Variants in BCKDHB observed in about 807,000 individuals in gnomAD.
The protein encoded by BCKDHB is branched chain keto acid dehydrogenase E1 subunit beta.
In BCKDHB, 41 loss-of-function variants were observed where a neutral mutation model predicts 48.5. The observed-to-expected ratio is 0.85, with a 90% confidence interval of 0.66 to 1.10. The LOEUF is 1.10. BCKDHB is among the 50% of genes least tolerant of loss of function. The pLI, the probability that BCKDHB is intolerant of heterozygous loss-of-function variation, is 0.00. For synonymous variants in BCKDHB, 201 were observed against 174.8 expected (o/e 1.15, Z -1.18); for missense variants, 496 against 494.2 (o/e 1.00, Z -0.03).
chr6:80,413,575 T>C, the BCKDHB span, among the ~76,000 whole-genome samples: 1 of 152,184 alleles, frequency 6.6e-6, no homozygotes, highest in Non-Finnish European at 1.5e-5. Context: ...CCTGCATTAG[T>C]TTGCTAAGGA....
In BCKDHB at chr6:80,201,013, A is replaced by G. The variant is rs763256460; in HGVS notation, c.822A>G (p.Leu274=). The change falls in exon 7 of 10, where the codon CTA becomes CTG. Residue 274 remains leucine, a synonymous_variant. Coordinates refer to ENST00000320393, the MANE Select transcript of BCKDHB (RefSeq NM_183050.4). ...EVIQEGSDVT[L]VAWGTQVHVI... is the part of the protein sequence containing the mutation. ...TACAGGAAGGGAGTGATGTTACTCT[A>G]GTTGCCTGGGGCACTCAGGTGAGTA... 6.2e-7 allele frequency: 1 copy of G among 1,611,628 alleles called. No homozygotes were observed. The highest frequency in any genetic ancestry group is 1.1e-5 in the South Asian group (1 of 91,042).
At position 80,140,472 on chromosome 6, in the gene BCKDHB, C is replaced by T. The variant is rs190619755; in HGVS notation, c.343+11243C>T. On this transcript the variant is annotated intron_variant, in intron 3 of 9. Coordinates refer to ENST00000320393, the MANE Select transcript of BCKDHB (RefSeq NM_183050.4). ...CGATAGCTCTTATTATTTTGAGATACGTCCCATGAATACCGAATTTATTGT... is the reference window on the plus strand; with the variant it reads ...CGATAGCTCTTATTATTTTGAGATATGTCCCATGAATACCGAATTTATTGT... Among the ~76,000 whole-genome samples, 489 of 152,192 alleles carry T rather than the reference C, an allele frequency of 3.2e-3. 2 individuals carry two copies. Among genetic ancestry groups the T allele is most frequent in the African/African-American group, 0.01 (434 of 41,524 alleles).
At chr6:80,107,346 TA>T (rs1381442612) in intron 1 of BCKDHB, among the ~76,000 whole-genome samples, 1 of 146,026 alleles carries the variant, frequency 6.8e-6, no homozygotes, top group Non-Finnish European at 1.5e-5. Context: ...ATATTATATA[TA>T]AAATATATAT....
chr6:80,107,826 T>C (rs1769206403), intron 1 of BCKDHB, among the ~76,000 whole-genome samples: 1 of 152,058 alleles, frequency 6.6e-6, no homozygotes, highest in Non-Finnish European at 1.5e-5. Flanking sequence ...TTTTTACCAT[T>C]TCTGCAAGTT....
chr6:80,406,786 T>G, the BCKDHB span, among the ~76,000 whole-genome samples: 1 of 152,196 alleles, frequency 6.6e-6, no homozygotes, highest in Non-Finnish European at 1.5e-5. Context: ...ATTGCAAAAA[T>G]TTTCTCCCAT....
chr6:80,109,766 C>T, intron 1 of BCKDHB, among the ~76,000 whole-genome samples: 1 of 152,184 alleles, frequency 6.6e-6, no homozygotes, highest in East Asian at 1.9e-4. Context: ...TGCATAGCTG[C>T]TCTTTTCCAG....
chr6:80,217,368 T>C (rs1449188361), intron 8 of BCKDHB, among the ~76,000 whole-genome samples: 3 of 152,248 alleles, frequency 2.0e-5, no homozygotes, highest in Admixed American at 6.5e-5. Flanking sequence ...TTTGTTTCTT[T>C]ACGTGTTTAT....
chr6:80,279,047 T>C (rs368452734), intron 9 of BCKDHB, among the ~76,000 whole-genome samples: 46 of 152,368 alleles, frequency 3.0e-4, no homozygotes, highest in African/African-American at 1.0e-3. Context: ...GGTTATTTGC[T>C]AGTTTATGGA....
At position 80,117,237 on chromosome 6, in the gene BCKDHB, T is replaced by C. The variant is rs528929181; in HGVS notation, c.197-10310T>C. Among the ~76,000 whole-genome samples, 32 of 152,360 alleles carry C rather than the reference T, an allele frequency of 2.1e-4. No homozygotes were observed. In the South Asian group the frequency reaches 6.6e-3, roughly 32 times the overall value. Reference sequence around the variant, plus strand: ...AGGTATTCACATGGAAATAATTACCTTTAAATACCCTTACTGGTAAATTAT... The same window carrying C: ...AGGTATTCACATGGAAATAATTACCCTTAAATACCCTTACTGGTAAATTAT... On this transcript the variant is annotated intron_variant, in intron 1 of 9. Coordinates refer to ENST00000320393, the MANE Select transcript of BCKDHB (RefSeq NM_183050.4).
intron 1 of BCKDHB, among the ~76,000 whole-genome samples, chr6:80,107,528 T>TATATATGTGC (rs1562050568): frequency 1.4e-4 from 16 of 113,900 alleles, no homozygotes; most frequent in Non-Finnish European, 2.5e-4. Context: ...TATATATATA[T>TATATATGTGC]GCATATATAT....
intron 8 of BCKDHB, among the ~76,000 whole-genome samples, chr6:80,229,437 C>T: frequency 6.6e-6 from 1 of 151,944 alleles, no homozygotes; most frequent in East Asian, 1.9e-4. Flanking sequence ...ATATGTTTGT[C>T]CTATTGGAGG....
chr6:80,194,426 A>G (rs528813591), intron 6 of BCKDHB, among the ~76,000 whole-genome samples: 27 of 152,208 alleles, frequency 1.8e-4, no homozygotes, highest in South Asian at 6.2e-4. Flanking sequence ...CTTAATTCCA[A>G]TTTCGTTAAT....
intron 3 of BCKDHB, among the ~76,000 whole-genome samples, chr6:80,147,370 T>C (rs941863556): frequency 1.3e-5 from 2 of 152,196 alleles, no homozygotes; most frequent in Admixed American, 6.5e-5. Flanking sequence ...TAGTGATATA[T>C]GTGCTCAATA....
chr6:80,444,925 A>G, the BCKDHB span, among the ~76,000 whole-genome samples: 1 of 152,098 alleles, frequency 6.6e-6, no homozygotes, highest in Non-Finnish European at 1.5e-5. Flanking sequence ...CACTACCTAC[A>G]TTTTTCTTTC....
In BCKDHB at chr6:80,203,285, A is replaced by AG; in HGVS notation, c.951+73_951+74insG. The AG allele has an allele frequency of 4.6e-6, 5 of 1,098,134 alleles. No homozygotes were observed. The East Asian group carries it at 9.5e-5, about 21-fold the overall frequency. 68.0% of individuals were successfully genotyped at this position (1,098,134 alleles called of 1,614,324 possible). A position where few individuals can be genotyped will look rare whatever the true frequency, so the allele number is the denominator to read the frequency against. On this transcript the variant is annotated intron_variant, in intron 8 of 9. Transcript: ENST00000320393. ...CAAATATGTTGTATATTTGCAAATA[A>AG]TTCTTTTGAAATTGTGAGCTATGTG...
At chr6:80,391,744 T>C in the BCKDHB span, among the ~76,000 whole-genome samples, 1 of 152,180 alleles carries the variant, frequency 6.6e-6, no homozygotes, top group Non-Finnish European at 1.5e-5. Context: ...AGAATGCTTT[T>C]CTCTGCCTTA....
At chr6:80,155,928 C>G (rs529368571) in intron 3 of BCKDHB, among the ~76,000 whole-genome samples, 1 of 140,590 alleles carries the variant, frequency 7.1e-6, no homozygotes, top group African/African-American at 2.7e-5. Flanking sequence ...TGAGAGATTT[C>G]TAAAATAGTG....
At chr6:80,256,485 A>T (rs1353870173) in intron 8 of BCKDHB, among the ~76,000 whole-genome samples, 1 of 152,224 alleles carries the variant, frequency 6.6e-6, no homozygotes, top group Non-Finnish European at 1.5e-5. Context: ...TTATAATCTT[A>T]TGAGGCTACT....
rs1404971186 is a variant in BCKDHB at position 80,346,194 on chromosome 6, A to G, written c.*2390A>G. ...ACTTTGAAAAATATTCCACATGGTAATCTTATAAATTCTGTTTAATTACAT... is the reference window on the plus strand; with the variant it reads ...ACTTTGAAAAATATTCCACATGGTAGTCTTATAAATTCTGTTTAATTACAT... On this transcript the variant is annotated 3_prime_UTR_variant, in exon 10 of 10. Coordinates refer to ENST00000320393, the MANE Select transcript of BCKDHB (RefSeq NM_183050.4). The G allele has an allele frequency of 6.6e-6, 1 of 152,200 alleles. No homozygotes were observed. The highest frequency in any genetic ancestry group is 2.4e-5 in the African/African-American group (1 of 41,448). The allele number at this position is 152,200 out of a possible 1,614,324, so 9.4% of individuals were successfully genotyped here.
Sources: allele counts gnomAD v4.1 joint callset (sites outside exome capture counted in the v4.1 genomes callset), GRCh38; gene constraint gnomAD v4.1.1; transcripts MANE v1.5; gene names NCBI Gene and HGNC (gene_info 2026-07-23, HGNC 2026-07-21).